Variants in VTI1A observed in about 807,000 individuals in gnomAD.
The protein encoded by VTI1A is vesicle transport through interaction with t-SNAREs 1A.
Under a neutral mutation model 34.9 loss-of-function variants are expected in VTI1A, and 22 were observed. The observed-to-expected ratio is 0.63, with a 90% confidence interval of 0.45 to 0.90. VTI1A has a LOEUF of 0.90. VTI1A is among the 40% of genes least tolerant of loss of function. VTI1A has a pLI of 0.00. For missense variants in VTI1A, 268 were observed against 275.6 expected, an observed-to-expected ratio of 0.97 and a Z score of 0.20; for synonymous variants, 87 against 97.3, an observed-to-expected ratio of 0.89 and a Z score of 0.62.
At chr10:112,852,955 A>T in the VTI1A span, among the ~76,000 whole-genome samples, 3 of 151,646 alleles carry the variant, frequency 2.0e-5, no homozygotes, top group South Asian at 4.2e-4. Flanking sequence ...ATTTTTTTTT[A>T]ATTGTATTTT....
At chr10:112,846,591 C>T in the VTI1A span, among the ~76,000 whole-genome samples, 6 of 151,928 alleles carry the variant, frequency 3.9e-5, no homozygotes, top group Admixed American at 3.9e-4. Flanking sequence ...ATGGTGAAAC[C>T]CCGTCTCTAC....
intron 4 of VTI1A, 41 bp from the exon 5 acceptor site, chr10:112,538,205 G>T: frequency 3.2e-6 from 5 of 1,552,612 alleles, no homozygotes; most frequent in Non-Finnish European, 4.4e-6. Flanking sequence ...GAACATTGTA[G>T]ACGGCCGTCT....
At chr10:112,665,628 T>G (rs1847615455) in intron 5 of VTI1A, among the ~76,000 whole-genome samples, 1 of 152,138 alleles carries the variant, frequency 6.6e-6, no homozygotes, top group Non-Finnish European at 1.5e-5. Flanking sequence ...ACTTCCTGTT[T>G]GTTGATTCCT....
intron 3 of VTI1A, among the ~76,000 whole-genome samples, chr10:112,491,688 T>C (rs1848829593): frequency 6.6e-6 from 1 of 152,248 alleles, no homozygotes; most frequent in African/African-American, 2.4e-5. Flanking sequence ...ATTCTTTTTT[T>C]CTTGTCTTCA....
intron 5 of VTI1A, among the ~76,000 whole-genome samples, chr10:112,621,330 T>A (rs547560494): frequency 7.9e-5 from 12 of 152,316 alleles, no homozygotes; most frequent in African/African-American, 2.9e-4. Context: ...TTACTTTTTA[T>A]ACCAAAGAGT....
At chr10:112,825,809 G>T in the VTI1A span, 1 of 152,216 alleles carries the variant, frequency 6.6e-6, no homozygotes, top group Admixed American at 6.5e-5. Flanking sequence ...GCCAGGTCAA[G>T]GTATCCTCCT....
chr10:112,576,432 T>G (rs187259533), intron 5 of VTI1A, among the ~76,000 whole-genome samples: 2 of 152,350 alleles, frequency 1.3e-5, no homozygotes, highest in Non-Finnish European at 2.9e-5. Context: ...GGCACTGTGC[T>G]AACATTCAGG....
intron 5 of VTI1A, among the ~76,000 whole-genome samples, chr10:112,581,848 A>G (rs945645762): frequency 1.3e-5 from 2 of 152,232 alleles, no homozygotes; most frequent in African/African-American, 4.8e-5. Context: ...TCACAACCTA[A>G]TATGTGGAAA....
chr10:112,486,659 G>T (rs1310644530), intron 3 of VTI1A, among the ~76,000 whole-genome samples: 6 of 151,442 alleles, frequency 4.0e-5, no homozygotes, highest in Middle Eastern at 3.4e-3. Context: ...ATATACAGTT[G>T]TATATTCTTA....
At chr10:112,637,165 A>G (rs961084820) in intron 5 of VTI1A, among the ~76,000 whole-genome samples, 3 of 152,224 alleles carry the variant, frequency 2.0e-5, no homozygotes, top group East Asian at 1.9e-4. Flanking sequence ...AAGGAAAACA[A>G]TTTGGAGACT....
chr10:112,778,132 G>C (rs955076571), intron 7 of VTI1A, among the ~76,000 whole-genome samples: 1 of 152,074 alleles, frequency 6.6e-6, no homozygotes, highest in African/African-American at 2.4e-5. Flanking sequence ...GTGTATTGGT[G>C]ATAGCAAGTT....
intron 5 of VTI1A, among the ~76,000 whole-genome samples, chr10:112,633,782 G>T (rs770837336): frequency 6.6e-6 from 1 of 151,634 alleles, no homozygotes; most frequent in Non-Finnish European, 1.5e-5. Context: ...CTTATTTTAT[G>T]GGCATAAGAG....
chr10:112,484,709 C>T (rs1369942638), intron 3 of VTI1A, among the ~76,000 whole-genome samples: 4 of 151,986 alleles, frequency 2.6e-5, no homozygotes, highest in South Asian at 2.1e-4. Context: ...AGATGCTGTA[C>T]ATAGTAGCTG....
At chr10:112,851,266 G>T in the VTI1A span, among the ~76,000 whole-genome samples, 2 of 152,142 alleles carry the variant, frequency 1.3e-5, no homozygotes, top group African/African-American at 4.8e-5. Flanking sequence ...TTTCTGGGTC[G>T]CCTGTGATAT....
At position 112,658,838 on chromosome 10, in the gene VTI1A, A is replaced by G. The variant is rs528458948; in HGVS notation, c.428-9380A>G. 4.6e-5 allele frequency among the ~76,000 whole-genome samples: 7 copies of G among 152,344 alleles called. 1 individual carries two copies. The South Asian group carries it at 1.2e-3, about 27-fold the overall frequency. The stretch of plus-strand genomic sequence containing the variant: ...AGAAACTAGAAGTTTATCATTTTAT[A>G]TGAAACCTCCTGTTTAAACAAATTT... On this transcript the variant is annotated intron_variant, in intron 5 of 7. Coordinates refer to ENST00000393077, the MANE Select transcript of VTI1A (RefSeq NM_145206.4).
At chr10:112,818,769 T>A (rs1434435016), downstream of VTI1A, 1 of 182,282 alleles carries the variant, frequency 5.5e-6, no homozygotes, top group Non-Finnish European at 1.2e-5. Context: ...CTTTTTTTTA[T>A]TATTATTATT....
chr10:112,595,995 G>A (rs375829379), intron 5 of VTI1A, among the ~76,000 whole-genome samples: 3 of 151,952 alleles, frequency 2.0e-5, no homozygotes, highest in Non-Finnish European at 2.9e-5. Flanking sequence ...AAAAATGATG[G>A]GTTCATGTCC....
intron 7 of VTI1A, among the ~76,000 whole-genome samples, chr10:112,810,094 T>C (rs61872428): frequency 6.6e-6 from 1 of 151,418 alleles, no homozygotes; most frequent in Non-Finnish European, 1.5e-5. Context: ...GGTGGTTTGA[T>C]TTAAAAAAAA....
downstream of VTI1A, among the ~76,000 whole-genome samples, chr10:112,821,733 G>A (rs557946989): frequency 4.0e-4 from 61 of 152,320 alleles, no homozygotes; most frequent in African/African-American, 1.4e-3. Context: ...CCTCCTTGAG[G>A]GATGGGGACT....
Sources: gnomAD v4.1 joint callset for allele counts (sites outside exome capture counted in the v4.1 genomes callset) on GRCh38, gnomAD v4.1.1 for gene constraint, MANE v1.5 for transcripts, NCBI Gene and HGNC (gene_info 2026-07-23, HGNC 2026-07-21) for gene names.